Variants in VTCN1 observed in about 807,000 individuals in gnomAD.
The protein encoded by VTCN1 is V-set domain-containing T-cell activation inhibitor 1.
VTCN1 carries 26 observed loss-of-function variants against 26.5 expected under a neutral mutation model. That is an observed-to-expected ratio of 0.98 (90% CI 0.72 to 1.36). The LOEUF (loss-of-function observed/expected upper bound fraction) is 1.36. Ranked by LOEUF, VTCN1 falls within the 40% of genes most tolerant of loss-of-function variation. The pLI, the probability that VTCN1 is intolerant of heterozygous loss-of-function variation, is 0.00. For synonymous variants in VTCN1, 116 were observed against 130.7 expected (o/e 0.89, Z 0.77); for missense variants, 298 against 337.7 (o/e 0.88, Z 0.92).
chr1:117,173,162 C>A, intron 1 of VTCN1: 1 of 716,064 alleles, frequency 1.4e-6, no homozygotes, highest in South Asian at 1.5e-5. Flanking sequence ...CCGGACGCGC[C>A]ACCTTTAAGA....
chr1:117,184,220 G>A (rs1647819560), intron 1 of VTCN1, among the ~76,000 whole-genome samples: 1 of 152,094 alleles, frequency 6.6e-6, no homozygotes, highest in African/African-American at 2.4e-5. Flanking sequence ...CCCCAGCTTT[G>A]CTGTGCAGCA....
chr1:117,152,453 G>A (rs185915597), intron 4 of VTCN1, among the ~76,000 whole-genome samples: 1 of 152,260 alleles, frequency 6.6e-6, no homozygotes, highest in East Asian at 1.9e-4. Context: ...CTTGATACTA[G>A]CTCAACCTAA....
At chr1:117,173,466 GGA>G (rs1653036167) in intron 1 of VTCN1, among the ~76,000 whole-genome samples, 1 of 152,012 alleles carries the variant, frequency 6.6e-6, no homozygotes, top group Non-Finnish European at 1.5e-5. Flanking sequence ...CCAGAATCTG[GGA>G]GAGAGATGCA....
chr1:117,198,427 T>G (rs1436892756), intron 1 of VTCN1, among the ~76,000 whole-genome samples: 1 of 152,204 alleles, frequency 6.6e-6, no homozygotes, highest in Non-Finnish European at 1.5e-5. Context: ...GCAGAAGCAC[T>G]GGGGATTTAG....
In VTCN1 at chr1:117,159,116, A is replaced by G. The variant is rs1302914276; in HGVS notation, c.98-2195T>C. Among the ~76,000 whole-genome samples the G allele has an allele frequency of 6.6e-6, 1 of 152,192 alleles. No individual in the cohort carries two copies. Among genetic ancestry groups the G allele is most frequent in the Non-Finnish European group, 1.5e-5 (1 of 68,024 alleles). On this transcript the variant is annotated intron_variant, in intron 2 of 5. Coordinates refer to ENST00000369458, the MANE Select transcript of VTCN1 (RefSeq NM_024626.4). This position sits in a 1 kb window ranked among gnomAD's most constrained non-coding sequence, Gnocchi z 4.7. ...TCTTCTGAGCTCTCCAAACTGTTCCAACCTCTGCCTGTTACCCAGTTCCAA... is the reference window on the plus strand; with the variant it reads ...TCTTCTGAGCTCTCCAAACTGTTCCGACCTCTGCCTGTTACCCAGTTCCAA...
At chr1:117,153,010 A>C (rs570902069) in intron 4 of VTCN1, 81 bp downstream of exon 4, 2 of 1,496,530 alleles carry the variant, frequency 1.3e-6, no homozygotes, top group East Asian at 2.3e-5. Context: ...GCCTTGGTAT[A>C]TATCTATTAA....
At chr1:117,170,034 G>A (rs535316695) in intron 2 of VTCN1, 73 bp downstream of exon 2, 1 of 1,400,592 alleles carries the variant, frequency 7.1e-7, no homozygotes, top group South Asian at 1.2e-5. Context: ...CTCTTTCCAT[G>A]CTAACGCACT....
At chr1:117,196,766 A>T (rs902294124) in intron 1 of VTCN1, among the ~76,000 whole-genome samples, 30 of 152,140 alleles carry the variant, frequency 2.0e-4, no homozygotes, top group African/African-American at 7.0e-4. Context: ...ATATGCTATA[A>T]ATTATAGATA....
rs1359907624 is a variant in VTCN1, at chr1:117,146,790, T to A, written c.*45+823A>T. 6.6e-6 allele frequency among the ~76,000 whole-genome samples: 1 copy of A among 152,184 alleles called. No homozygotes were observed. Among genetic ancestry groups the A allele is most frequent in the Admixed American group, 6.5e-5 (1 of 15,268 alleles). ...GCTCTGGAGCAAAGGAAGGCTATGA[T>A]GAAATCGTGTTTCAGAATACTTCGA... is the stretch of plus-strand genomic sequence containing the variant. On this transcript the variant is annotated intron_variant, in intron 5 of 5. Transcript: ENST00000369458. This position sits in a 1 kb window ranked among gnomAD's most constrained non-coding sequence, Gnocchi z 4.2.
chr1:117,158,694 C>T (rs532910287), intron 2 of VTCN1, among the ~76,000 whole-genome samples: 1 of 152,324 alleles, frequency 6.6e-6, no homozygotes, highest in East Asian at 1.9e-4. Context: ...GCTTGAATTT[C>T]TCCTCAGAAA....
intron 2 of VTCN1, 123 bp from the exon 3 acceptor site, chr1:117,157,044 G>A: frequency 6.4e-7 from 1 of 1,567,682 alleles, no homozygotes; most frequent in Non-Finnish European, 8.7e-7. Flanking sequence ...AAGAACATGA[G>A]AGGCAATAAG....
intron 2 of VTCN1, among the ~76,000 whole-genome samples, chr1:117,157,795 G>T (rs1557862484): frequency 6.6e-6 from 1 of 152,094 alleles, no homozygotes; most frequent in Non-Finnish European, 1.5e-5. Flanking sequence ...CTGAGGCAAG[G>T]CAAGTCCCTT....
intron 1 of VTCN1, among the ~76,000 whole-genome samples, chr1:117,182,555 C>T (rs140884563): frequency 5.5e-4 from 83 of 152,286 alleles, no homozygotes; most frequent in Non-Finnish European, 9.3e-4. Flanking sequence ...TGTCAAGGGG[C>T]ATTCTGAAAC....
At chr1:117,162,443 CT>C (rs947611076) in intron 2 of VTCN1, among the ~76,000 whole-genome samples, 10 of 149,640 alleles carry the variant, frequency 6.7e-5, no homozygotes, top group Admixed American at 6.7e-5. Flanking sequence ...ACCAGAGATT[CT>C]TTTTTTTTTA....
chr1:117,145,682 G>A lies in VTCN1; in HGVS notation c.*46-457C>T, dbSNP rs1246816669. Among the ~76,000 whole-genome samples, 1 of 152,096 alleles carries A rather than the reference G, an allele frequency of 6.6e-6. No individual in the cohort carries two copies. The highest frequency in any genetic ancestry group is 2.4e-5 in the African/African-American group (1 of 41,412). ...GGGTCTCACTCTGTTGCCCAGGCTG[G>A]AGTGCAGTGGTGCAAACATTGGCTC... On this transcript the variant is annotated intron_variant, in intron 5 of 5. Transcript: ENST00000369458. This position sits in a 1 kb window ranked among gnomAD's most constrained non-coding sequence, Gnocchi z 4.6.
chr1:117,190,082 A>G (rs1451202249), intron 1 of VTCN1, among the ~76,000 whole-genome samples: 1 of 152,222 alleles, frequency 6.6e-6, no homozygotes, highest in African/African-American at 2.4e-5. Context: ...TGCCTCAGGT[A>G]ACAGGCCCAT....
chr1:117,190,838 A>T (rs1648209390), intron 1 of VTCN1, among the ~76,000 whole-genome samples: 1 of 152,216 alleles, frequency 6.6e-6, no homozygotes, highest in Admixed American at 6.5e-5. Flanking sequence ...ATATATAAAC[A>T]CTAATGCAAG....
intron 1 of VTCN1, among the ~76,000 whole-genome samples, chr1:117,189,472 G>A (rs1648132438): frequency 6.6e-6 from 1 of 152,200 alleles, no homozygotes; most frequent in South Asian, 2.1e-4. Context: ...CCACGAAAGG[G>A]AGACTTGGCA....
chr1:117,178,345 C>A (rs1277442121), intron 1 of VTCN1, among the ~76,000 whole-genome samples: 1 of 150,746 alleles, frequency 6.6e-6, no homozygotes, highest in Non-Finnish European at 1.5e-5. Context: ...CAACCTCCAC[C>A]TCCTGAGTTC....
Sources: allele counts gnomAD v4.1 joint callset (sites outside exome capture counted in the v4.1 genomes callset), GRCh38; gene constraint gnomAD v4.1.1; non-coding constraint Gnocchi (gnomAD v3.1); transcripts MANE v1.5; gene names NCBI Gene and HGNC (gene_info 2026-07-23, HGNC 2026-07-21).